ZDHHC3: variants seen among roughly 807,000 people sequenced by gnomAD.
The protein encoded by ZDHHC3 is zDHHC palmitoyltransferase 3.
ZDHHC3 carries 9 observed loss-of-function variants against 30.6 expected under a neutral mutation model. The ratio of observed to expected loss-of-function variants is 0.29; its 90% CI spans 0.18 to 0.51. The LOEUF (loss-of-function observed/expected upper bound fraction) is 0.51, where lower values mean the gene tolerates loss of function less well. ZDHHC3 is among the 20% of genes least tolerant of loss of function. The pLI is 0.97. For synonymous variants in ZDHHC3, 136 were observed against 140.2 expected, an observed-to-expected ratio of 0.97 and a Z score of 0.21; for missense variants, 246 against 384.2, an observed-to-expected ratio of 0.64 and a Z score of 3.01.
intron 3 of ZDHHC3, among the ~76,000 whole-genome samples, chr3:44,943,017 C>A (rs542898801): frequency 6.6e-6 from 1 of 152,170 alleles, no homozygotes; most frequent in African/African-American, 2.4e-5. Flanking sequence ...ATCTCAGGCA[C>A]AGGAGGCAAG....
At chr3:44,963,721 G>A (rs1420919507) in intron 1 of ZDHHC3, among the ~76,000 whole-genome samples, 1 of 152,176 alleles carries the variant, frequency 6.6e-6, no homozygotes, top group African/African-American at 2.4e-5. Context: ...TCAGGCTTCT[G>A]GGACAGGGCC....
chr3:44,958,263 C>T (rs1489556607), intron 2 of ZDHHC3, among the ~76,000 whole-genome samples: 9 of 152,132 alleles, frequency 5.9e-5, no homozygotes, highest in African/African-American at 1.2e-4. Context: ...AAATGGAGCC[C>T]TTTGAGACAA....
Position 44,959,380 on chromosome 3 carries a change from G to C in ZDHHC3, c.57C>G (p.Leu19=). The C allele has an allele frequency of 6.2e-7, 1 of 1,614,226 alleles. No homozygotes were observed. The highest frequency in any genetic ancestry group is 1.1e-5 in the South Asian group (1 of 91,080). Residue 19 remains leucine, a synonymous_variant, in exon 2 of 7, where the codon CTC becomes CTG. Transcript: ENST00000424952. This position sits in a 1 kb window ranked among gnomAD's most constrained non-coding sequence, Gnocchi z 4.3. ...FRNIERKPEY[L]QPEKCVPPPY... is the part of the protein sequence containing the mutation. ...GGGGTGGGACACACTTCTCTGGCTGGAGGTATTCTGGTTTCCGCTCAATGT... is the reference window on the plus strand; with the variant it reads ...GGGGTGGGACACACTTCTCTGGCTGCAGGTATTCTGGTTTCCGCTCAATGT...
chr3:44,930,639 A>T (rs9830560), intron 5 of ZDHHC3, among the ~76,000 whole-genome samples: 3 of 152,354 alleles, frequency 2.0e-5, no homozygotes, highest in Middle Eastern at 3.4e-3. Context: ...AGGGAGGTCA[A>T]ATGTGGGAAT....
At chr3:44,948,080 T>A (rs1461432965) in intron 2 of ZDHHC3, among the ~76,000 whole-genome samples, 1 of 152,142 alleles carries the variant, frequency 6.6e-6, no homozygotes, top group African/African-American at 2.4e-5. Flanking sequence ...TAGGCACCCA[T>A]GAGATACCAC....
chr3:44,925,422 T>A lies in ZDHHC3; in HGVS notation c.*1267A>T, dbSNP rs1310710823. 1.0e-6 allele frequency: 1 copy of A among 985,492 alleles called. No homozygotes were observed. Among genetic ancestry groups the A allele is most frequent in the Non-Finnish European group, 1.2e-6 (1 of 829,952 alleles). The allele number at this position is 985,492 out of a possible 1,614,324, so 61.0% of individuals were successfully genotyped here. On this transcript the variant is annotated 3_prime_UTR_variant, in exon 7 of 7. Coordinates refer to ENST00000424952, the MANE Select transcript of ZDHHC3 (RefSeq NM_001135179.2). ...TTCCCCGATGGTCAATAATCATATT[T>A]GTTATTTTTGCACTTGGAGGGCACT...
At chr3:44,945,758 C>G (rs1164088399) in intron 2 of ZDHHC3, among the ~76,000 whole-genome samples, 1 of 152,020 alleles carries the variant, frequency 6.6e-6, no homozygotes, top group Non-Finnish European at 1.5e-5. Context: ...GGGGTTTCAC[C>G]ATGTTGGCCA....
rs1477703542 is a variant in ZDHHC3, at chr3:44,923,234, C to T, written c.*3455G>A. 2.4e-6 allele frequency: 2 copies of T among 836,540 alleles called. No individual in the cohort carries two copies. Among genetic ancestry groups the T allele is most frequent in the Non-Finnish European group, 1.4e-6 (1 of 694,700 alleles). 51.8% of individuals were successfully genotyped at this position (836,540 alleles called of 1,614,324 possible). ...GGGACTACAGACGCCTGCCACCACGCCCAGCTAATTTTTTTATATTTTTAG... is the reference window on the plus strand; with the variant it reads ...GGGACTACAGACGCCTGCCACCACGTCCAGCTAATTTTTTTATATTTTTAG... On this transcript the variant is annotated 3_prime_UTR_variant, in exon 7 of 7. Transcript: ENST00000424952.
chr3:44,963,828 G>A (rs746825728), intron 1 of ZDHHC3, among the ~76,000 whole-genome samples: 1 of 152,122 alleles, frequency 6.6e-6, no homozygotes, highest in African/African-American at 2.4e-5. Flanking sequence ...CTTCACCCCG[G>A]CCCCTTGCCC....
rs1700549748 is a variant in ZDHHC3 at position 44,920,971 on chromosome 3, G to T, written c.*5718C>A. The T allele has an allele frequency of 2.0e-6, 2 of 985,328 alleles. No homozygotes were observed. The highest frequency in any genetic ancestry group is 1.2e-6 in the Non-Finnish European group (1 of 829,944). 61.0% of individuals were successfully genotyped at this position (985,328 alleles called of 1,614,324 possible). On this transcript the variant is annotated 3_prime_UTR_variant, in exon 7 of 7. Coordinates refer to ENST00000424952, the MANE Select transcript of ZDHHC3 (RefSeq NM_001135179.2). ...CTGGTAGGACTCAATTTTGAGTTTT[G>T]TGTGGATTTAAAGGGATCCTGCAGG...
In ZDHHC3 at chr3:44,926,537, T is replaced by A; in HGVS notation, c.*152A>T. The A allele has an allele frequency of 8.0e-7, 1 of 1,257,636 alleles. No homozygotes were observed. 77.9% of individuals were successfully genotyped at this position (1,257,636 alleles called of 1,614,324 possible). ...AATAAAATGTGGGGACTTTTTTTTT[T>A]CTCTGCAATGCTCAGCCATTTTACT... On this transcript the variant is annotated 3_prime_UTR_variant, in exon 7 of 7. Transcript: ENST00000424952.
At position 44,921,541 on chromosome 3, in the gene ZDHHC3, A is replaced by T; in HGVS notation, c.*5148T>A. On this transcript the variant is annotated 3_prime_UTR_variant, in exon 7 of 7. Coordinates refer to ENST00000424952, the MANE Select transcript of ZDHHC3 (RefSeq NM_001135179.2). ...GCATTAAACATTTTTCTTGAAAAAC[A>T]TGCTGGTTGCAAACCATGAATGGCT... is the stretch of plus-strand genomic sequence containing the variant. The T allele has an allele frequency of 1.0e-6, 1 of 985,472 alleles. No homozygotes were observed. Among genetic ancestry groups the T allele is most frequent in the Non-Finnish European group, 1.2e-6 (1 of 829,934 alleles). The allele number at this position is 985,472 out of a possible 1,614,324, so 61.0% of individuals were successfully genotyped here.
At chr3:44,937,921 TCAAAGCCC>T (rs2125842689) in intron 3 of ZDHHC3, 1 of 486,844 alleles carries the variant, frequency 2.1e-6, no homozygotes, top group South Asian at 1.5e-5. Context: ...GCCCTGATCA[TCAAAGCCC>T]TCAAGGAACT....
chr3:44,919,788 C>T lies in ZDHHC3; in HGVS notation c.*6901G>A. The T allele has an allele frequency of 2.7e-6, 2 of 752,066 alleles. No individual in the cohort carries two copies. The highest frequency in any genetic ancestry group is 3.2e-6 in the Non-Finnish European group (2 of 617,238). 46.6% of individuals were successfully genotyped at this position (752,066 alleles called of 1,614,324 possible). On this transcript the variant is annotated 3_prime_UTR_variant, in exon 7 of 7. Coordinates refer to ENST00000424952, the MANE Select transcript of ZDHHC3 (RefSeq NM_001135179.2). ...CTTTGGTGAGACTGACTGAAAGGTA[C>T]ATGGGAACTCTTTGTACTGTTTTTG...
chr3:44,955,990 G>C (rs1703920868), intron 2 of ZDHHC3, among the ~76,000 whole-genome samples: 1 of 152,196 alleles, frequency 6.6e-6, no homozygotes, highest in Admixed American at 6.5e-5. Flanking sequence ...ACACCTCTGG[G>C]AAGCTAACTG....
chr3:44,919,706 TG>T lies in ZDHHC3; in HGVS notation c.*6982del, dbSNP rs1700461807. 1 of 202,770 alleles carries T rather than the reference TG, an allele frequency of 4.9e-6. No individual in the cohort carries two copies. The highest frequency in any genetic ancestry group is 8.7e-6 in the Non-Finnish European group (1 of 114,366). The allele number at this position is 202,770 out of a possible 1,614,324, so 12.6% of individuals were successfully genotyped here. A position where few individuals can be genotyped will look rare whatever the true frequency, so the allele number is the denominator to read the frequency against. On this transcript the variant is annotated 3_prime_UTR_variant, in exon 7 of 7. Transcript: ENST00000424952. ...AAGGTACATACATTAGTTAAGGGTA[TG>T]GTGTTGCCAATGTCCAGGGTTTTAT...
Position 44,922,978 on chromosome 3 carries a change from G to C in ZDHHC3, c.*3711C>G, listed in dbSNP as rs552316476. ...TGATGCACTGCAAGTCTTGAAAAGA[G>C]AGAAATTTAAAACCCATTAGCCTGG... On this transcript the variant is annotated 3_prime_UTR_variant, in exon 7 of 7. Transcript: ENST00000424952. 2.0e-6 allele frequency: 2 copies of C among 985,372 alleles called. No individual in the cohort carries two copies. The highest frequency in any genetic ancestry group is 3.5e-5 in the African/African-American group (2 of 57,334). The allele number at this position is 985,372 out of a possible 1,614,324, so 61.0% of individuals were successfully genotyped here.
chr3:44,969,297 T>C (rs1705213889), intron 1 of ZDHHC3, among the ~76,000 whole-genome samples: 1 of 152,136 alleles, frequency 6.6e-6, no homozygotes, highest in South Asian at 2.1e-4. Flanking sequence ...TCACTTAAGG[T>C]GTCACCACTG....
At chr3:44,939,265 G>A (rs1702234920) in intron 3 of ZDHHC3, among the ~76,000 whole-genome samples, 1 of 152,200 alleles carries the variant, frequency 6.6e-6, no homozygotes, top group Non-Finnish European at 1.5e-5. Flanking sequence ...CTCTCTCTCT[G>A]TTACCACTTT....
Sources: allele counts gnomAD v4.1 joint callset (sites outside exome capture counted in the v4.1 genomes callset), GRCh38; gene constraint gnomAD v4.1.1; non-coding constraint Gnocchi (gnomAD v3.1); transcripts MANE v1.5; gene names NCBI Gene and HGNC (gene_info 2026-07-23, HGNC 2026-07-21).